RPS6KC1: variants seen among roughly 807,000 people sequenced by gnomAD.
RPS6KC1 encodes ribosomal protein S6 kinase C1.
RPS6KC1 carries 54 observed loss-of-function variants against 103.8 expected under a neutral mutation model. The observed-to-expected ratio is 0.52, with a 90% CI of 0.42 to 0.65. RPS6KC1 has a LOEUF of 0.65. Among genes scored for constraint, RPS6KC1 ranks in the 30% least tolerant of loss-of-function variants. The pLI, the probability that RPS6KC1 is intolerant of heterozygous loss-of-function variation, is 0.00. For synonymous variants in RPS6KC1, 439 were observed against 438.7 expected, an observed-to-expected ratio of 1.00 and a Z score of -0.01; for missense variants, 1,151 against 1,253.8, an observed-to-expected ratio of 0.92 and a Z score of 1.24.
intron 8 of RPS6KC1, among the ~76,000 whole-genome samples, chr1:213,194,327 A>T (rs2092859722): frequency 6.6e-6 from 1 of 152,144 alleles, no homozygotes; most frequent in Non-Finnish European, 1.5e-5. Context: ...TTGATAGTTT[A>T]GGACGTACTT....
intron 6 of RPS6KC1, among the ~76,000 whole-genome samples, chr1:213,150,511 GACTCTTAACGAGC>G (rs1268717122): frequency 6.7e-6 from 1 of 150,076 alleles, no homozygotes; most frequent in Non-Finnish European, 1.5e-5. Flanking sequence ...GAGTGGTGAT[GACTCTTAACGAGC>G]ACGCTGCCTT....
At chr1:213,562,079 G>C in the RPS6KC1 span, among the ~76,000 whole-genome samples, 3 of 152,148 alleles carry the variant, frequency 2.0e-5, no homozygotes, top group African/African-American at 7.2e-5. Flanking sequence ...ACTGGGCTTG[G>C]CGATGTCAAT....
At chr1:213,260,612 A>T (rs2094764430) in intron 12 of RPS6KC1, among the ~76,000 whole-genome samples, 1 of 151,820 alleles carries the variant, frequency 6.6e-6, no homozygotes, top group African/African-American at 2.4e-5. Context: ...GAAAGTAGTT[A>T]TGAATTGTGG....
At chr1:213,376,325 A>T in the RPS6KC1 span, among the ~76,000 whole-genome samples, 1 of 152,148 alleles carries the variant, frequency 6.6e-6, no homozygotes, top group Non-Finnish European at 1.5e-5. Flanking sequence ...TTGCATTTTG[A>T]ATTATTGCAT....
At chr1:213,056,411 T>G (rs2077333860) in intron 1 of RPS6KC1, among the ~76,000 whole-genome samples, 1 of 152,182 alleles carries the variant, frequency 6.6e-6, no homozygotes, top group African/African-American at 2.4e-5. Context: ...AATACCTGTA[T>G]TATAAAACAT....
chr1:213,399,187 A>G, the RPS6KC1 span, among the ~76,000 whole-genome samples: 33 of 152,358 alleles, frequency 2.2e-4, no homozygotes, highest in Non-Finnish European at 2.9e-4. Flanking sequence ...TGCCCTATGC[A>G]GCAATGTTGA....
the RPS6KC1 span, among the ~76,000 whole-genome samples, chr1:213,766,201 C>T: frequency 3.3e-5 from 5 of 152,234 alleles, no homozygotes; most frequent in South Asian, 6.2e-4. Flanking sequence ...AGCGTTTGAC[C>T]AAGGCTTGTT....
chr1:213,193,289 C>T (rs1361398229), intron 8 of RPS6KC1, among the ~76,000 whole-genome samples: 5 of 152,088 alleles, frequency 3.3e-5, no homozygotes, highest in Non-Finnish European at 7.4e-5. Context: ...GTCAGAGACT[C>T]GCTCTGTTGC....
chr1:213,496,548 A>G, the RPS6KC1 span, among the ~76,000 whole-genome samples: 108 of 152,284 alleles, frequency 7.1e-4, no homozygotes, highest in Non-Finnish European at 1.3e-3. Flanking sequence ...ATTTGAGGTC[A>G]AGGGTTTGAG....
intron 12 of RPS6KC1, among the ~76,000 whole-genome samples, chr1:213,247,667 T>A (rs1163508331): frequency 1.3e-5 from 2 of 152,182 alleles, no homozygotes; most frequent in Non-Finnish European, 2.9e-5. Context: ...TCGGGAAATT[T>A]ATTTAAGACT....
intron 8 of RPS6KC1, among the ~76,000 whole-genome samples, chr1:213,215,395 C>T (rs575564481): frequency 2.0e-5 from 3 of 152,270 alleles, no homozygotes; most frequent in South Asian, 4.2e-4. Context: ...ACCAAATGTA[C>T]GTCTGATTGG....
At chr1:213,251,399 C>G (rs560900076) in intron 12 of RPS6KC1, among the ~76,000 whole-genome samples, 10 of 152,332 alleles carry the variant, frequency 6.6e-5, no homozygotes, top group African/African-American at 1.9e-4. Context: ...AGCCACCGTT[C>G]CCAGCCCAGC....
chr1:213,520,134 C>T, the RPS6KC1 span, among the ~76,000 whole-genome samples: 3 of 152,130 alleles, frequency 2.0e-5, no homozygotes, highest in South Asian at 6.2e-4. Flanking sequence ...AATGACCCTG[C>T]CTCTGTGTAT....
chr1:213,270,242 A>G lies in RPS6KC1; in HGVS notation c.3091-2282A>G, dbSNP rs988962023. 5.9e-5 allele frequency among the ~76,000 whole-genome samples: 9 copies of G among 152,306 alleles called. No individual in the cohort carries two copies. In the East Asian group the frequency reaches 1.5e-3, roughly 26 times the overall value. ...TTGAATATGCACATGCTAAAAACAA[A>G]ATGAACTTAGACCCTTCATACTGTT... On this transcript the variant is annotated intron_variant, in intron 14 of 14. Coordinates refer to ENST00000366960, the MANE Select transcript of RPS6KC1 (RefSeq NM_012424.6).
the RPS6KC1 span, among the ~76,000 whole-genome samples, chr1:213,854,239 C>T: frequency 7.9e-5 from 12 of 152,202 alleles, no homozygotes; most frequent in African/African-American, 2.4e-4. Context: ...GGATTCCCCA[C>T]GAATCTCTGA....
intron 5 of RPS6KC1, among the ~76,000 whole-genome samples, chr1:213,123,503 A>G (rs1241573833): frequency 1.3e-5 from 2 of 152,188 alleles, no homozygotes; most frequent in East Asian, 3.8e-4. Flanking sequence ...ACGTTATAAA[A>G]ATGTGAAACT....
chr1:213,602,050 TTCTTTC>T, the RPS6KC1 span, among the ~76,000 whole-genome samples: 28 of 70,020 alleles, frequency 4.0e-4, 2 homozygotes, highest in East Asian at 1.6e-3. Context: ...CTTTCTTTCT[TTCTTTC>T]TCTTTCTTTC....
chr1:213,440,199 C>T, the RPS6KC1 span, among the ~76,000 whole-genome samples: 2 of 152,104 alleles, frequency 1.3e-5, no homozygotes, highest in African/African-American at 4.8e-5. Flanking sequence ...CAACTCCCTA[C>T]GAGCTCAAAA....
chr1:213,287,620 A>G, the RPS6KC1 span, among the ~76,000 whole-genome samples: 1 of 152,202 alleles, frequency 6.6e-6, no homozygotes, highest in Non-Finnish European at 1.5e-5. Context: ...TGTTCTTTCA[A>G]GAACTTTATG....
Sources: gnomAD v4.1 joint callset for allele counts (sites outside exome capture counted in the v4.1 genomes callset) on GRCh38, gnomAD v4.1.1 for gene constraint, MANE v1.5 for transcripts, NCBI Gene and HGNC (gene_info 2026-07-23, HGNC 2026-07-21) for gene names.